The following LYPD6B variants were observed in gnomAD, a reference collection of about 807,000 sequenced individuals.
LYPD6B encodes ly6/PLAUR domain-containing protein 6B.
Under a neutral mutation model 22.8 loss-of-function variants are expected in LYPD6B, and 17 were observed. The ratio of observed to expected loss-of-function variants is 0.75; its 90% CI spans 0.51 to 1.12. The LOEUF is 1.12. LYPD6B is among the 50% of genes most tolerant of loss of function. LYPD6B has a pLI of 0.00. For synonymous variants in LYPD6B, 106 were observed against 91.6 expected (o/e 1.16, Z -0.90); for missense variants, 221 against 258.3 (o/e 0.86, Z 0.99).
At chr2:149,209,705 A>T (rs149072694) in intron 5 of LYPD6B, among the ~76,000 whole-genome samples, 1 of 152,350 alleles carries the variant, frequency 6.6e-6, no homozygotes, top group East Asian at 1.9e-4. Context: ...TATGCCTGAG[A>T]ATCGTATGCC....
chr2:149,128,005 TA>T (rs941694076), intron 1 of LYPD6B, among the ~76,000 whole-genome samples: 15 of 139,610 alleles, frequency 1.1e-4, no homozygotes, highest in South Asian at 2.4e-4. Flanking sequence ...TTTTTTTTTT[TA>T]AAAAAGAAAC....
intron 2 of LYPD6B, among the ~76,000 whole-genome samples, chr2:149,159,572 G>A (rs10930475): frequency 0.29 from 43,708 of 148,798 alleles, 7,400 homozygotes; most frequent in East Asian, 0.55. Context: ...AACCCTGCCC[G>A]AGAGAGCATA....
intron 1 of LYPD6B, among the ~76,000 whole-genome samples, chr2:149,102,174 A>G (rs1295282568): frequency 1.3e-5 from 2 of 152,210 alleles, no homozygotes; most frequent in Non-Finnish European, 2.9e-5. Context: ...CACATTGAAA[A>G]GATAAATTAA....
rs371074194 is a variant in LYPD6B, at chr2:149,135,472, C to A, written c.5+4519C>A. On this transcript the variant is annotated intron_variant, in intron 2 of 6. Transcript: ENST00000409642. Reference sequence around the variant, plus strand: ...CGGTGACTCACGCTTGTAACCCCAGCACTTTGGAAGGCCAAGGCGGGTGGA... The same window carrying A: ...CGGTGACTCACGCTTGTAACCCCAGAACTTTGGAAGGCCAAGGCGGGTGGA... 1.1e-4 allele frequency among the ~76,000 whole-genome samples: 17 copies of A among 151,906 alleles called. 1 individual carries two copies. The South Asian group carries it at 3.5e-3, about 32-fold the overall frequency.
At chr2:149,178,305 C>G (rs1320174862) in intron 3 of LYPD6B, among the ~76,000 whole-genome samples, 3 of 152,158 alleles carry the variant, frequency 2.0e-5, no homozygotes, top group African/African-American at 7.2e-5. Context: ...TCAGGGCTTT[C>G]ATATTTAGTT....
chr2:149,081,713 A>G (rs543612931), intron 1 of LYPD6B, among the ~76,000 whole-genome samples: 51 of 152,192 alleles, frequency 3.4e-4, no homozygotes, highest in African/African-American at 1.2e-3. Flanking sequence ...CACCCTCCTC[A>G]CTATTCTGAA....
chr2:149,041,133 C>T (rs1467615346), intron 1 of LYPD6B, among the ~76,000 whole-genome samples: 1 of 150,484 alleles, frequency 6.6e-6, no homozygotes, highest in Non-Finnish European at 1.5e-5. Context: ...ATGAGAAGGG[C>T]TGGTCTAGGA....
intron 3 of LYPD6B, among the ~76,000 whole-genome samples, chr2:149,195,560 G>C (rs1393094867): frequency 1.3e-5 from 2 of 152,206 alleles, no homozygotes; most frequent in South Asian, 2.1e-4. Flanking sequence ...ATGTATGTTA[G>C]AGTAGTTTTC....
intron 3 of LYPD6B, among the ~76,000 whole-genome samples, chr2:149,161,774 TC>T (rs1690078711): frequency 6.6e-6 from 1 of 152,224 alleles, no homozygotes; most frequent in Non-Finnish European, 1.5e-5. Context: ...ATGTTTATGT[TC>T]CTGTTTCTTG....
At chr2:149,040,655 C>T (rs1683036309) in intron 1 of LYPD6B, among the ~76,000 whole-genome samples, 1 of 152,166 alleles carries the variant, frequency 6.6e-6, no homozygotes, top group East Asian at 1.9e-4. Flanking sequence ...ACCTCTGCTG[C>T]AAGGCATGTC....
intron 1 of LYPD6B, among the ~76,000 whole-genome samples, chr2:149,112,979 T>C (rs1389219047): frequency 1.3e-5 from 2 of 152,146 alleles, no homozygotes; most frequent in African/African-American, 4.8e-5. Flanking sequence ...GTTTACTGAC[T>C]TGTTGAACAG....
At chr2:149,209,125 A>G (rs968513343) in intron 5 of LYPD6B, among the ~76,000 whole-genome samples, 1 of 152,196 alleles carries the variant, frequency 6.6e-6, no homozygotes, top group Non-Finnish European at 1.5e-5. Context: ...AGCAAGGGCC[A>G]GGATATGCAG....
At chr2:149,067,663 C>T (rs1353718877) in intron 1 of LYPD6B, among the ~76,000 whole-genome samples, 1 of 150,924 alleles carries the variant, frequency 6.6e-6, no homozygotes, top group Admixed American at 6.6e-5. Flanking sequence ...AGGGAATGCT[C>T]TTAGATAATC....
At chr2:149,089,156 T>C (rs530623127) in intron 1 of LYPD6B, among the ~76,000 whole-genome samples, 2 of 152,378 alleles carry the variant, frequency 1.3e-5, no homozygotes, top group South Asian at 4.1e-4. Flanking sequence ...TATTTTTCAA[T>C]ATTGAAAGAG....
chr2:149,182,849 G>GT (rs1315106148), intron 3 of LYPD6B, among the ~76,000 whole-genome samples: 1 of 152,162 alleles, frequency 6.6e-6, no homozygotes, highest in East Asian at 1.9e-4. Context: ...CTTTTTCCTA[G>GT]TCAAATACTT....
chr2:149,129,239 C>T (rs1005370499), intron 1 of LYPD6B, among the ~76,000 whole-genome samples: 2 of 152,172 alleles, frequency 1.3e-5, no homozygotes, highest in African/African-American at 4.8e-5. Context: ...CTCCTATAGA[C>T]TTTTAAGATG....
chr2:149,144,095 T>C (rs1688863208), intron 2 of LYPD6B: 1 of 152,272 alleles, frequency 6.6e-6, no homozygotes, highest in African/African-American at 2.4e-5. Flanking sequence ...GTGTTAGAAC[T>C]GGGGTCCCAG....
intron 3 of LYPD6B, among the ~76,000 whole-genome samples, chr2:149,197,894 C>T (rs1189186611): frequency 1.3e-5 from 2 of 152,148 alleles, no homozygotes; most frequent in Admixed American, 1.3e-4. Flanking sequence ...ATTATTTCAC[C>T]TGTGTGAAGG....
intron 3 of LYPD6B, among the ~76,000 whole-genome samples, chr2:149,203,651 A>G (rs1157903121): frequency 2.0e-5 from 3 of 152,256 alleles, no homozygotes; most frequent in African/African-American, 7.2e-5. Flanking sequence ...ATGATTATGT[A>G]CATGAGCTAT....
Sources: allele counts gnomAD v4.1 joint callset (sites outside exome capture counted in the v4.1 genomes callset), GRCh38; gene constraint gnomAD v4.1.1; transcripts MANE v1.5; gene names NCBI Gene and HGNC (gene_info 2026-07-23, HGNC 2026-07-21).